RAB7A: variants seen among roughly 807,000 people sequenced by gnomAD.
The protein encoded by RAB7A is ras-related protein Rab-7a.
In RAB7A, 2 loss-of-function variants were observed where a neutral mutation model predicts 24.5. That is an observed-to-expected ratio of 0.08 (90% CI 0.03 to 0.26). The LOEUF (loss-of-function observed/expected upper bound fraction) is 0.26. Among genes scored for constraint, RAB7A ranks in the 10% least tolerant of loss-of-function variants. The probability of loss-of-function intolerance (pLI) is 1.00; values close to 1 mark genes in which losing one functional copy is unlikely to be tolerated. For missense variants in RAB7A, 118 were observed against 255.7 expected, an observed-to-expected ratio of 0.46 and a Z score of 3.67; for synonymous variants, 100 against 95.9, an observed-to-expected ratio of 1.04 and a Z score of -0.25.
At chr3:128,737,686 C>CACTCAGGCT (rs1225027765) in intron 1 of RAB7A, among the ~76,000 whole-genome samples, 1 of 150,024 alleles carries the variant, frequency 6.7e-6, no homozygotes, top group East Asian at 2.0e-4. Context: ...CTCACTCTGT[C>CACTCAGGCT]ACTCAGGCTA....
intron 5 of RAB7A, among the ~76,000 whole-genome samples, chr3:128,808,380 TAA>T (rs747963558): frequency 9.9e-5 from 15 of 151,650 alleles, no homozygotes; most frequent in African/African-American, 3.4e-4. Context: ...AAAATTAAAA[TAA>T]AAAAAATTAT....
chr3:128,733,207 A>T lies in RAB7A; in HGVS notation c.-9+6848A>T, dbSNP rs142994135. Among the ~76,000 whole-genome samples, 504 of 152,310 alleles carry T rather than the reference A, an allele frequency of 3.3e-3. 4 individuals are homozygous for T. Among genetic ancestry groups the T allele is most frequent in the African/African-American group, 0.012 (479 of 41,570 alleles). ...TCTTAGTCTCCTTTAAGTCATTATC[A>T]TCGATGCCCTGATGCTTGCGTAGTG... On this transcript the variant is annotated intron_variant, in intron 1 of 5. Transcript: ENST00000265062.
intron 1 of RAB7A, among the ~76,000 whole-genome samples, chr3:128,743,568 A>G (rs1442090508): frequency 6.6e-6 from 1 of 152,206 alleles, no homozygotes; most frequent in Non-Finnish European, 1.5e-5. Context: ...CTAGCCAAAG[A>G]CATTAGAGCA....
Position 128,766,239 on chromosome 3 carries a change from A to G in RAB7A, c.-8-29121A>G, listed in dbSNP as rs16850825. Among the ~76,000 whole-genome samples, 1,019 of 152,354 alleles carry G rather than the reference A, an allele frequency of 6.7e-3. 12 individuals carry two copies. Among genetic ancestry groups the G allele is most frequent in the African/African-American group, 0.023 (957 of 41,590 alleles). On this transcript the variant is annotated intron_variant, in intron 1 of 5. Coordinates refer to ENST00000265062, the MANE Select transcript of RAB7A (RefSeq NM_004637.6). Reference sequence around the variant, plus strand: ...GAGACTCAAACATGGCACCCTCAATATATAAAATCAGTATGTTTGCAAAAT... The same window carrying G: ...GAGACTCAAACATGGCACCCTCAATGTATAAAATCAGTATGTTTGCAAAAT...
rs866732438 is a variant in RAB7A, at chr3:128,735,358, G to A, written c.-9+8999G>A. ...TGTATGGAAACCAGATCCTGGTAGG[G>A]AGGGCAGGCACTGCAATCCCTTGTT... is the stretch of plus-strand genomic sequence containing the variant. On this transcript the variant is annotated intron_variant, in intron 1 of 5. Coordinates refer to ENST00000265062, the MANE Select transcript of RAB7A (RefSeq NM_004637.6). Among the ~76,000 whole-genome samples, 6 of 140,958 alleles carry A rather than the reference G, an allele frequency of 4.3e-5. No individual in the cohort carries two copies. In the South Asian group the frequency reaches 7.0e-4, roughly 16 times the overall value. 92.5% of individuals were successfully genotyped at this position (140,958 alleles called of 152,430 possible). A position where few individuals can be genotyped will look rare whatever the true frequency, so the allele number is the denominator to read the frequency against.
At chr3:128,793,419 G>A (rs1022080782) in intron 1 of RAB7A, among the ~76,000 whole-genome samples, 1 of 150,740 alleles carries the variant, frequency 6.6e-6, no homozygotes, top group African/African-American at 2.4e-5. Flanking sequence ...CTCCCAAAGT[G>A]CCGTTATTAC....
At chr3:128,799,547 C>T (rs764637351) in intron 3 of RAB7A, among the ~76,000 whole-genome samples, 16 of 152,174 alleles carry the variant, frequency 1.1e-4, no homozygotes, top group South Asian at 6.2e-4. Flanking sequence ...GTGTTGACCT[C>T]GAGCCATGGC....
rs115829469 is a variant in RAB7A at position 128,812,960 on chromosome 3, A to G, written c.529-367A>G. On this transcript the variant is annotated intron_variant, in intron 5 of 5. Coordinates refer to ENST00000265062, the MANE Select transcript of RAB7A (RefSeq NM_004637.6). ...TCCAGACCATTGTTAACCATTGGCA[A>G]CTATAGGGAACATACAGAAAGCATC... 9.8e-3 allele frequency among the ~76,000 whole-genome samples: 1,499 copies of G among 152,322 alleles called. 25 individuals carry two copies. The highest frequency in any genetic ancestry group is 0.035 in the African/African-American group (1,435 of 41,576).
intron 3 of RAB7A, among the ~76,000 whole-genome samples, chr3:128,801,818 C>T (rs1357307939): frequency 2.6e-5 from 4 of 151,858 alleles, no homozygotes; most frequent in African/African-American, 9.7e-5. Context: ...CTCAAGAAGC[C>T]CAAATTCCAG....
At chr3:128,806,704 T>C (rs1933811390) in intron 4 of RAB7A, 114 bp downstream of exon 4, 9 of 1,073,542 alleles carry the variant, frequency 8.4e-6, no homozygotes, top group South Asian at 8.1e-5. Flanking sequence ...GGTGGGAGTC[T>C]TCATTACCAT....
intron 1 of RAB7A, among the ~76,000 whole-genome samples, chr3:128,744,234 G>C (rs2070585825): frequency 6.6e-6 from 1 of 152,148 alleles, no homozygotes. Context: ...CTGGGTGACA[G>C]AGTGAGACCC....
Position 128,806,593 on chromosome 3 carries a change from A to G in RAB7A, c.399+3A>G, listed in dbSNP as rs1284294078. ...AGATTGACCTCGAAAACAGACAAGT[A>G]AGTACCAACGATGATAGATATTGTC... is the stretch of plus-strand genomic sequence containing the variant. On this transcript the variant is annotated splice_donor_region_variant and intron_variant, in intron 4 of 5. Transcript: ENST00000265062. 2.5e-6 allele frequency: 4 copies of G among 1,610,504 alleles called. No individual in the cohort carries two copies. Among genetic ancestry groups the G allele is most frequent in the South Asian group, 1.1e-5 (1 of 91,004 alleles).
intron 1 of RAB7A, among the ~76,000 whole-genome samples, chr3:128,767,659 G>A (rs1471457449): frequency 6.6e-6 from 1 of 152,178 alleles, no homozygotes; most frequent in Non-Finnish European, 1.5e-5. Flanking sequence ...GACGGGGTGA[G>A]TGGAAAGTTT....
At chr3:128,754,321 T>C (rs928683425) in intron 1 of RAB7A, among the ~76,000 whole-genome samples, 2 of 152,196 alleles carry the variant, frequency 1.3e-5, no homozygotes, top group Admixed American at 1.3e-4. Flanking sequence ...TTATATGTTA[T>C]TGAAGTTAAC....
At chr3:128,807,749 TA>T in intron 5 of RAB7A, 78 bp downstream of exon 5, 2 of 1,596,772 alleles carry the variant, frequency 1.3e-6, no homozygotes, top group African/African-American at 2.7e-5. Flanking sequence ...CTCCTGCCCT[TA>T]ATCTTCTTCC....
At chr3:128,730,632 G>A (rs2070426722) in intron 1 of RAB7A, among the ~76,000 whole-genome samples, 2 of 152,290 alleles carry the variant, frequency 1.3e-5, no homozygotes, top group South Asian at 4.1e-4. Flanking sequence ...TTTTTTAGCA[G>A]TGTCTGTTAC....
At chr3:128,806,620 C>G in intron 4 of RAB7A, 30 bp downstream of exon 4, 2 of 1,584,894 alleles carry the variant, frequency 1.3e-6, no homozygotes, top group Non-Finnish European at 1.7e-6. Flanking sequence ...GATATTGTCA[C>G]AGACACCTGC....
intron 1 of RAB7A, among the ~76,000 whole-genome samples, chr3:128,750,362 A>G (rs1228313928): frequency 2.0e-5 from 3 of 152,178 alleles, no homozygotes; most frequent in Admixed American, 2.0e-4. Flanking sequence ...CCCGGGTTCA[A>G]GTGATTGTCC....
At chr3:128,769,997 CCTTTTTT>C (rs1324265440) in intron 1 of RAB7A, among the ~76,000 whole-genome samples, 4 of 151,152 alleles carry the variant, frequency 2.6e-5, no homozygotes, top group Admixed American at 6.6e-5. Flanking sequence ...TTTCTTTTTT[CCTTTTTT>C]CTTTTTTTTT....
Sources: allele counts gnomAD v4.1 joint callset (sites outside exome capture counted in the v4.1 genomes callset), GRCh38; gene constraint gnomAD v4.1.1; transcripts MANE v1.5; gene names NCBI Gene and HGNC (gene_info 2026-07-23, HGNC 2026-07-21).